Variants in PGRMC1 observed in about 807,000 individuals in gnomAD.
PGRMC1 encodes membrane-associated progesterone receptor component 1.
For synonymous variants in PGRMC1, 73 were observed against 77.3 expected (o/e 0.94, Z 0.29); for missense variants, 145 against 169.0 (o/e 0.86, Z 0.79).
intron 1 of PGRMC1, among the ~76,000 whole-genome samples, chrX:119,239,841 A>G (rs1007441131): frequency 1.8e-5 from 2 of 112,189 alleles, no homozygotes; most frequent in African/African-American, 6.5e-5. Flanking sequence ...TCTATAAGAT[A>G]CCTTTGTTTC....
At chrX:119,242,074 C>T (rs1930829912) in intron 2 of PGRMC1, among the ~76,000 whole-genome samples, 1 of 111,934 alleles carries the variant, frequency 8.9e-6, no homozygotes, top group Non-Finnish European at 1.9e-5. Flanking sequence ...CTTCCTTTCA[C>T]TGTCAAACAA....
intron 1 of PGRMC1, among the ~76,000 whole-genome samples, chrX:119,237,162 AAAGGTCC>A (rs1331670241): frequency 9.1e-6 from 1 of 110,225 alleles, no homozygotes; most frequent in Non-Finnish European, 1.9e-5. Flanking sequence ...GAGAGTGAGA[AAAGGTCC>A]AGACCTAGAG....
At chrX:119,238,584 G>C (rs142326549) in intron 1 of PGRMC1, among the ~76,000 whole-genome samples, 97 of 112,420 alleles carry the variant, frequency 8.6e-4, no homozygotes, top group African/African-American at 3.0e-3. Flanking sequence ...GTCAGCCTGT[G>C]CACAGAGCAC....
intron 2 of PGRMC1, among the ~76,000 whole-genome samples, chrX:119,240,827 G>A (rs1312558354): frequency 2.7e-5 from 3 of 111,928 alleles, no homozygotes; most frequent in African/African-American, 6.5e-5. Flanking sequence ...AGAGCTTGCC[G>A]TTTAAAAGCA....
chrX:119,241,839 G>A (rs1266663640), intron 2 of PGRMC1, among the ~76,000 whole-genome samples: 1 of 112,030 alleles, frequency 8.9e-6, no homozygotes, highest in Admixed American at 9.4e-5. Context: ...ACATTCAGAT[G>A]ATCGACCCTG....
Position 119,240,293 on chromosome X carries a change from G to A in PGRMC1, c.329-16G>A. On this transcript the variant is annotated splice_polypyrimidine_tract_variant and intron_variant, in intron 1 of 2. Coordinates refer to ENST00000217971, the MANE Select transcript of PGRMC1 (RefSeq NM_006667.5). Reference sequence around the variant, plus strand: ...ACTGTCTAATAAAGAATTGATCTTTGGTTTTGTTTTTGAAGAGGGGCCGTA... The same window carrying A: ...ACTGTCTAATAAAGAATTGATCTTTAGTTTTGTTTTTGAAGAGGGGCCGTA... The A allele has an allele frequency of 8.3e-7, 1 of 1,206,013 alleles. No individual in the cohort carries two copies. The highest frequency in any genetic ancestry group is 1.1e-6 in the Non-Finnish European group (1 of 890,729).
At chrX:119,242,914 C>T (rs1187555185) in intron 2 of PGRMC1, among the ~76,000 whole-genome samples, 2 of 112,399 alleles carry the variant, frequency 1.8e-5, no homozygotes, top group African/African-American at 3.2e-5. Context: ...TTCATTTTGA[C>T]GTTACCTTGC....
In PGRMC1 at chrX:119,240,451, G is replaced by C. The variant is rs769425655; in HGVS notation, c.471G>C (p.Glu157Asp). ...AAQQETLSDW[E>D]SQFTFKYHHV... ...AGCAGGAGACTCTGAGTGACTGGGA[G>C]TCTCAGTTCACTTGTAAGCATTTTT... Residue 157 changes from glutamate to aspartate, a missense_variant, in exon 2 of 3, where the codon GAG becomes GAC. Coordinates refer to ENST00000217971, the MANE Select transcript of PGRMC1 (RefSeq NM_006667.5). 8.3e-7 allele frequency: 1 copy of C among 1,206,116 alleles called. No individual in the cohort carries two copies. The highest frequency in any genetic ancestry group is 1.7e-5 in the African/African-American group (1 of 57,667).
intron 1 of PGRMC1, among the ~76,000 whole-genome samples, chrX:119,240,048 T>C (rs1930783647): frequency 8.9e-6 from 1 of 112,115 alleles, no homozygotes; most frequent in East Asian, 2.8e-4. Context: ...ACTTTTTTAC[T>C]AGCTATTTGG....
intron 2 of PGRMC1, among the ~76,000 whole-genome samples, chrX:119,241,841 T>TCGACCTGC (rs1556019311): frequency 3.2e-4 from 36 of 112,320 alleles, no homozygotes; most frequent in African/African-American, 1.1e-3. Flanking sequence ...ATTCAGATGA[T>TCGACCTGC]CGACCCTGCA....
In PGRMC1 at chrX:119,243,202, T is replaced by C. The variant is rs146461802; in HGVS notation, c.536T>C (p.Val179Ala). Reference protein sequence around the residue: ...KLLKEGEEPTVYSDEEEPKDE... With the variant: ...KLLKEGEEPTAYSDEEEPKDE... ...CTGAAGGAGGGGGAGGAGCCCACTG[T>C]GTACTCAGATGAGGAAGAACCAAAA... The change falls in exon 3 of 3, where the codon GTG becomes GCG. Residue 179 changes from valine (V) to alanine (A), a missense_variant. Physicochemically the swap from Val to Ala is moderately conservative, Grantham distance 64 (BLOSUM62 0). Transcript: ENST00000217971. The C allele has an allele frequency of 1.7e-6, 2 of 1,203,778 alleles. No individual in the cohort carries two copies. Among genetic ancestry groups the C allele is most frequent in the Non-Finnish European group, 2.2e-6 (2 of 889,034 alleles).
At chrX:119,237,251 A>T (rs1311961641) in intron 1 of PGRMC1, among the ~76,000 whole-genome samples, 2 of 111,061 alleles carry the variant, frequency 1.8e-5, no homozygotes, top group Non-Finnish European at 3.8e-5. Flanking sequence ...CCGAGACGGG[A>T]TTAGCAGCAG....
At chrX:119,240,214 G>C in intron 1 of PGRMC1, 95 bp from the exon 2 acceptor site, 1 of 794,031 alleles carries the variant, frequency 1.3e-6, no homozygotes, top group Non-Finnish European at 1.9e-6. Context: ...CAAAAATGGG[G>C]CTATGTTGAT....
chrX:119,237,053 T>C (rs1464969851), intron 1 of PGRMC1, among the ~76,000 whole-genome samples: 2 of 110,474 alleles, frequency 1.8e-5, no homozygotes, highest in African/African-American at 6.6e-5. Context: ...GGGGTAGTTT[T>C]CGAAGGTCCT....
rs2499040 is a variant in PGRMC1, at chrX:119,243,029, A to G, written c.485-122A>G. On this transcript the variant is annotated intron_variant, in intron 2 of 2. Transcript: ENST00000217971. ...GGTATAAACCACCTTTGTATCCTTC[A>G]AGAAGCCCAACACATTGCTGAGTAT... The G allele has an allele frequency of 0.016, 8,401 of 536,438 alleles. 484 individuals are homozygous for G. The African/African-American group carries it at 0.16, about 10-fold the overall frequency. The allele number at this position is 536,438 out of a possible 1,213,427, so 44.2% of individuals were successfully genotyped here.
chrX:119,241,167 T>C (rs1271263405), intron 2 of PGRMC1, among the ~76,000 whole-genome samples: 1 of 112,476 alleles, frequency 8.9e-6, no homozygotes, highest in Non-Finnish European at 1.9e-5. Flanking sequence ...TTTCCCAGCT[T>C]TTATGAAACA....
intron 1 of PGRMC1, among the ~76,000 whole-genome samples, chrX:119,240,013 C>G (rs757760759): frequency 1.8e-5 from 2 of 111,986 alleles, no homozygotes; most frequent in African/African-American, 6.5e-5. Context: ...CTACCACTAC[C>G]CCAAGAGATC....
chrX:119,244,138 CAG>C lies in PGRMC1; in HGVS notation c.*885_*886del, dbSNP rs1930890074. The C allele has an allele frequency of 8.9e-6, 1 of 112,178 alleles. No homozygotes were observed. Among genetic ancestry groups the C allele is most frequent in the African/African-American group, 3.2e-5 (1 of 30,829 alleles). 9.2% of individuals were successfully genotyped at this position (112,178 alleles called of 1,213,427 possible). A position where few individuals can be genotyped will look rare whatever the true frequency, so the allele number is the denominator to read the frequency against. ...TGCACACCCCTGAACCACGAGGAAA[CAG>C]TACAGTCGCTAGTCAAGTGGTTTTT... On this transcript the variant is annotated 3_prime_UTR_variant, in exon 3 of 3. Coordinates refer to ENST00000217971, the MANE Select transcript of PGRMC1 (RefSeq NM_006667.5).
intron 2 of PGRMC1, among the ~76,000 whole-genome samples, chrX:119,242,384 A>G (rs2147231318): frequency 9.1e-6 from 1 of 109,585 alleles, no homozygotes; most frequent in African/African-American, 3.3e-5. Flanking sequence ...AGTACTTCTC[A>G]TCTGTCCCTT....
Sources: gnomAD v4.1 joint callset for allele counts (sites outside exome capture counted in the v4.1 genomes callset) on GRCh38, gnomAD v4.1.1 for gene constraint, MANE v1.5 for transcripts, NCBI Gene and HGNC (gene_info 2026-07-23, HGNC 2026-07-21) for gene names.